The following NBEAL1 variants were observed in gnomAD, a reference collection of about 807,000 sequenced individuals.
NBEAL1 encodes the protein neurobeachin like 1.
In NBEAL1, 273 loss-of-function variants were observed where a neutral mutation model predicts 351.3. The ratio of observed to expected loss-of-function variants is 0.78; its 90% CI spans 0.70 to 0.86. NBEAL1 has a LOEUF of 0.86. Ranked by LOEUF, NBEAL1 falls within the 40% of genes least tolerant of loss-of-function variation. The probability of loss-of-function intolerance (pLI) is 0.00; values close to 1 mark genes in which losing one functional copy is unlikely to be tolerated. For missense variants in NBEAL1, 2,961 were observed against 3,201.3 expected (o/e 0.92, Z 1.81); for synonymous variants, 1,050 against 1,086.4 (o/e 0.97, Z 0.66).
chr2:203,153,984 G>A (rs1445339237), intron 35 of NBEAL1, among the ~76,000 whole-genome samples: 2 of 151,528 alleles, frequency 1.3e-5, no homozygotes, highest in African/African-American at 2.4e-5. Context: ...GGTGGCTCAC[G>A]CCTGTAATCC....
intron 12 of NBEAL1, 28 bp downstream of exon 12, chr2:203,099,740 T>A: frequency 6.9e-7 from 1 of 1,459,378 alleles, no homozygotes. Flanking sequence ...CAGCTTTTTT[T>A]TTTTTCTTAA....
At chr2:203,196,440 G>C (rs984937309) in intron 47 of NBEAL1, among the ~76,000 whole-genome samples, 1 of 152,164 alleles carries the variant, frequency 6.6e-6, no homozygotes, top group African/African-American at 2.4e-5. Context: ...TCTCTTCATA[G>C]GTGTTCAAAT....
Position 203,211,034 on chromosome 2 carries a change from A to G in NBEAL1, c.7862A>G (p.Asp2621Gly), listed in dbSNP as rs772281297. Residue 2621 changes from aspartate (D) to glycine (G), a missense_variant, in exon 54 of 56, where the codon GAT becomes GGT. Coordinates refer to ENST00000683969, the MANE Select transcript of NBEAL1 (RefSeq NM_001378026.1). Reference sequence around the variant, plus strand: ...CAAATCCTGAAGGAACAAGTATCAGATATATGTATAATCGGAGAACACATT... The same window carrying G: ...CAAATCCTGAAGGAACAAGTATCAGGTATATGTATAATCGGAGAACACATT... ...GSQILKEQVS[D>G]ICIIGEHIVT... 1 of 1,607,750 alleles carries G rather than the reference A, an allele frequency of 6.2e-7. No homozygotes were observed. Among genetic ancestry groups the G allele is most frequent in the Non-Finnish European group, 8.5e-7 (1 of 1,175,916 alleles).
intron 51 of NBEAL1, among the ~76,000 whole-genome samples, chr2:203,208,367 G>A (rs1476880553): frequency 6.6e-6 from 1 of 152,026 alleles, no homozygotes; most frequent in African/African-American, 2.4e-5. Context: ...GATTAAAAGG[G>A]GAAATAACAT....
rs971789191 is a variant in NBEAL1, at chr2:203,166,230, T to A, written c.5796T>A (p.Ile1932=). The A allele has an allele frequency of 1.1e-5, 17 of 1,611,382 alleles. No homozygotes were observed. Among genetic ancestry groups the A allele is most frequent in the Non-Finnish European group, 1.1e-5 (13 of 1,179,044 alleles). The stretch of plus-strand genomic sequence containing the variant: ...AACTCATTACAATAATTGATGTAAT[T>A]CCTGGCAGATTAGAAATCACTACTC... ...DCELITIIDV[I]PGRLEITTQH... Residue 1932 remains isoleucine (I), a synonymous_variant, in exon 37 of 56, where the codon ATT becomes ATA. Coordinates refer to ENST00000683969, the MANE Select transcript of NBEAL1 (RefSeq NM_001378026.1).
chr2:203,191,751 T>C (rs1245556017), intron 46 of NBEAL1, among the ~76,000 whole-genome samples: 1 of 152,254 alleles, frequency 6.6e-6, no homozygotes, highest in Non-Finnish European at 1.5e-5. Context: ...ACTAGGATTA[T>C]ATGCCTGACC....
intron 31 of NBEAL1, 142 bp from the exon 32 acceptor site, chr2:203,144,458 G>A: frequency 2.7e-6 from 2 of 728,766 alleles, no homozygotes; most frequent in Non-Finnish European, 4.3e-6. Flanking sequence ...CCTTTAGCTT[G>A]GAGGCAAAGT....
rs1333132566 is a variant in NBEAL1, at chr2:203,201,651, T to C, written c.7347T>C (p.Asp2449=). 1.2e-6 allele frequency: 2 copies of C among 1,612,006 alleles called. No individual in the cohort carries two copies. The highest frequency in any genetic ancestry group is 1.7e-6 in the Non-Finnish European group (2 of 1,178,714). ...TGCTCTTCAGTGCTGGATACTGGGA[T>C]AATAGCATTCAAGTGATGTCACTTA... ...AKLLFSAGYW[D]NSIQVMSLTK... is the part of the protein sequence containing the mutation. Residue 2449 remains aspartate, a synonymous_variant, in exon 50 of 56, where the codon GAT becomes GAC. Coordinates refer to ENST00000683969, the MANE Select transcript of NBEAL1 (RefSeq NM_001378026.1).
At chr2:203,198,504 T>C (rs2065300586) in intron 48 of NBEAL1, among the ~76,000 whole-genome samples, 1 of 152,154 alleles carries the variant, frequency 6.6e-6, no homozygotes, top group African/African-American at 2.4e-5. Context: ...CCTGAATTTC[T>C]TCCATCTGCC....
At chr2:203,198,773 G>A (rs182868017) in intron 48 of NBEAL1, among the ~76,000 whole-genome samples, 54 of 151,718 alleles carry the variant, frequency 3.6e-4, no homozygotes, top group Non-Finnish European at 4.4e-4. Flanking sequence ...TGAGGTCAGA[G>A]GATTGCTTGC....
At chr2:203,113,710 A>G (rs1172699918) in intron 17 of NBEAL1, among the ~76,000 whole-genome samples, 2 of 151,838 alleles carry the variant, frequency 1.3e-5, no homozygotes, top group African/African-American at 4.8e-5. Flanking sequence ...TCACTTCTAT[A>G]TAAGTGAGGC....
At chr2:203,187,677 A>C (rs2064944651) in intron 44 of NBEAL1, among the ~76,000 whole-genome samples, 1 of 151,428 alleles carries the variant, frequency 6.6e-6, no homozygotes, top group African/African-American at 2.4e-5. Flanking sequence ...TGGGAGGTGG[A>C]GGTTACAGTG....
chr2:203,038,189 T>C lies in NBEAL1; in HGVS notation c.52-3576T>C, dbSNP rs1307288768. Among the ~76,000 whole-genome samples the C allele has an allele frequency of 1.3e-5, 2 of 149,402 alleles. 1 individual carries two copies. Among genetic ancestry groups the C allele is most frequent in the Non-Finnish European group, 3.0e-5 (2 of 66,616 alleles). ...GCTTTGGGCTATTATAAACAAAGTT[T>C]CCATAAACATTTTTGTACAAGTGTT... On this transcript the variant is annotated intron_variant, in intron 2 of 55. Transcript: ENST00000683969.
intron 2 of NBEAL1, among the ~76,000 whole-genome samples, chr2:203,039,484 A>G (rs182490867): frequency 1.4e-5 from 2 of 145,490 alleles, no homozygotes; most frequent in South Asian, 2.1e-4. Context: ...GCTCACTGCA[A>G]CCTCCGCCTC....
At chr2:203,089,403 C>G (rs1471379056) in intron 10 of NBEAL1, among the ~76,000 whole-genome samples, 2 of 151,760 alleles carry the variant, frequency 1.3e-5, no homozygotes, top group African/African-American at 4.8e-5. Context: ...GTCTTTCTGC[C>G]TGTCGCAGAA....
At chr2:203,167,141 C>A (rs2064157584) in intron 37 of NBEAL1, 86 bp from the exon 38 acceptor site, 13 of 1,286,708 alleles carry the variant, frequency 1.0e-5, no homozygotes, top group South Asian at 9.6e-5. Flanking sequence ...TTCCTAAAAC[C>A]TTTTGTCAAG....
rs1237560715 is a variant in NBEAL1, at chr2:203,021,976, G to A, written c.51+5541G>A. On this transcript the variant is annotated intron_variant, in intron 2 of 55. Coordinates refer to ENST00000683969, the MANE Select transcript of NBEAL1 (RefSeq NM_001378026.1). ...TGAGGCAGGAGAATCACTTGAATCC[G>A]GGAGGCAGAAGTTGCAGTGACCTGA... Among the ~76,000 whole-genome samples, 12 of 151,908 alleles carry A rather than the reference G, an allele frequency of 7.9e-5. No homozygotes were observed. The South Asian group carries it at 1.5e-3, about 18-fold the overall frequency.
chr2:203,153,302 ATTTTTTT>A (rs5837843), intron 35 of NBEAL1, among the ~76,000 whole-genome samples: 2 of 124,152 alleles, frequency 1.6e-5, no homozygotes, highest in Non-Finnish European at 3.3e-5. Context: ...CATGCCCAGC[ATTTTTTT>A]TTTTTTTTTT....
intron 7 of NBEAL1, among the ~76,000 whole-genome samples, chr2:203,070,353 CTCTCTCTTTTT>C (rs1160212482): frequency 3.6e-5 from 5 of 139,844 alleles, no homozygotes; most frequent in Non-Finnish European, 7.7e-5. Flanking sequence ...CTCTCTCTCT[CTCTCTCTTTTT>C]TTTTTTTTTT....
Sources: allele counts gnomAD v4.1 joint callset (sites outside exome capture counted in the v4.1 genomes callset), GRCh38; gene constraint gnomAD v4.1.1; transcripts MANE v1.5; gene names NCBI Gene and HGNC (gene_info 2026-07-23, HGNC 2026-07-21).